Variants in CEP295 observed in about 807,000 individuals in gnomAD.
CEP295 encodes centrosomal protein 295, also known as centrosomal protein of 295 kDa.
Under a neutral mutation model 291.6 loss-of-function variants are expected in CEP295, and 190 were observed. The ratio of observed to expected loss-of-function variants is 0.65; its 90% confidence interval spans 0.58 to 0.73. The LOEUF is 0.73. Among genes scored for constraint, CEP295 ranks in the 30% least tolerant of loss-of-function variants. CEP295 has a pLI of 0.00. For missense variants in CEP295, 2,863 were observed against 2,949.4 expected, an observed-to-expected ratio of 0.97 and a Z score of 0.68; for synonymous variants, 993 against 1,038.8, an observed-to-expected ratio of 0.96 and a Z score of 0.85.
Position 93,729,738 on chromosome 11 carries a change from T to C in CEP295, c.7524T>C (p.Ser2508=). 2 of 1,549,596 alleles carry C rather than the reference T, an allele frequency of 1.3e-6. No individual in the cohort carries two copies. The highest frequency in any genetic ancestry group is 1.7e-6 in the Non-Finnish European group (2 of 1,145,676). ...AAATAAGGAATAAAATTCATGTCTC[T>C]GAAAATTCTCAAATCAAAACAGTTA... The part of the protein sequence containing the change: ...QKEIRNKIHV[S]ENSQIKTVKE... Residue 2508 remains serine, a synonymous_variant, in exon 27 of 30, where the codon TCT becomes TCC. Coordinates refer to ENST00000325212, the MANE Select transcript of CEP295 (RefSeq NM_033395.2).
intron 25 of CEP295, 155 bp from the exon 26 acceptor site, chr11:93,729,279 A>G (rs921775300): frequency 2.2e-5 from 14 of 629,456 alleles, no homozygotes; most frequent in Non-Finnish European, 3.9e-5. Context: ...TACAAAAAAT[A>G]CAAAAATCAG....
At chr11:93,687,053 G>T (rs1951279264) in intron 9 of CEP295, among the ~76,000 whole-genome samples, 1 of 152,148 alleles carries the variant, frequency 6.6e-6, no homozygotes. Context: ...CAGCCCACAT[G>T]GGAAAATGTT....
At chr11:93,693,697 A>T (rs980214388) in intron 12 of CEP295, among the ~76,000 whole-genome samples, 1 of 152,216 alleles carries the variant, frequency 6.6e-6, no homozygotes, top group South Asian at 2.1e-4. Flanking sequence ...TGGAGGTTGC[A>T]GTCAGCCAAG....
At chr11:93,719,564 A>G (rs1054188528) in intron 18 of CEP295, 8 of 151,982 alleles carry the variant, frequency 5.3e-5, no homozygotes, top group Non-Finnish European at 1.2e-4. Context: ...CACCATGCCT[A>G]CCTGCTTGTT....
chr11:93,673,782 A>G (rs979623287), intron 5 of CEP295, among the ~76,000 whole-genome samples: 2 of 150,852 alleles, frequency 1.3e-5, no homozygotes, highest in African/African-American at 4.9e-5. Context: ...TGTGAGCCAC[A>G]ACGCCTGGCC....
intron 9 of CEP295, among the ~76,000 whole-genome samples, chr11:93,686,372 A>T (rs955917063): frequency 6.6e-6 from 1 of 151,944 alleles, no homozygotes; most frequent in Non-Finnish European, 1.5e-5. Context: ...AGTTATTTTC[A>T]TTGGGAGTAT....
chr11:93,698,543 G>C lies in CEP295; in HGVS notation c.3631G>C (p.Val1211Leu), dbSNP rs1200796672. The change falls in exon 15 of 30, where the codon GTG becomes CTG. Residue 1211 changes from valine (V) to leucine (L), a missense_variant. Val to Leu is a conservative substitution (Grantham distance 32). This residue lies in a region of CEP295 where 2,295 missense variants were observed against 2,335.7 expected (regional missense o/e 0.98). Transcript: ENST00000325212. ...QTGTSSSLSQ[V>L]DESERFQECI... ...TGGCACCTCCTCATCCCTTTCCCAG[G>C]TGGATGAATCTGAGAGATTCCAGGA... The C allele has an allele frequency of 2.2e-5, 34 of 1,551,958 alleles. No individual in the cohort carries two copies. The highest frequency in any genetic ancestry group is 2.8e-5 in the Non-Finnish European group (32 of 1,147,030).
chr11:93,678,676 T>G (rs1369335573), intron 6 of CEP295, among the ~76,000 whole-genome samples: 1 of 152,080 alleles, frequency 6.6e-6, no homozygotes, highest in Non-Finnish European at 1.5e-5. Flanking sequence ...GCCTGTAATC[T>G]CAGCGCTTTG....
At chr11:93,723,361 T>C in intron 21 of CEP295, 72 bp downstream of exon 21, 1 of 1,127,570 alleles carries the variant, frequency 8.9e-7, no homozygotes, top group Non-Finnish European at 1.2e-6. Context: ...ATTTTAAATT[T>C]TATGCAGTGA....
intron 18 of CEP295, among the ~76,000 whole-genome samples, chr11:93,720,981 T>A (rs1591146236): frequency 6.6e-6 from 1 of 152,348 alleles, no homozygotes; most frequent in East Asian, 1.9e-4. Flanking sequence ...TATTCTTGCT[T>A]TTCCACTTAA....
chr11:93,680,619 C>G (rs767997393), intron 7 of CEP295, among the ~76,000 whole-genome samples: 20 of 152,258 alleles, frequency 1.3e-4, no homozygotes, highest in South Asian at 6.2e-4. Flanking sequence ...CTATTGCACT[C>G]CACCCTGGTG....
intron 18 of CEP295, among the ~76,000 whole-genome samples, chr11:93,716,853 T>C (rs1379043433): frequency 6.6e-6 from 1 of 152,266 alleles, no homozygotes; most frequent in African/African-American, 2.4e-5. Context: ...CTATGGTGCC[T>C]AGGCAGCTGT....
At position 93,730,062 on chromosome 11, in the gene CEP295, C is replaced by G; in HGVS notation, c.7681C>G (p.Leu2561Val). The G allele has an allele frequency of 6.5e-7, 1 of 1,548,828 alleles. No homozygotes were observed. The highest frequency in any genetic ancestry group is 8.7e-7 in the Non-Finnish European group (1 of 1,146,200). Residue 2561 changes from leucine (L) to valine (V), a missense_variant, in exon 29 of 30, where the codon CTA (leucine) becomes GTA (valine). By Grantham distance (32) the Leu-to-Val change is conservative (BLOSUM62 1). Around this residue, in one of 3 missense-constraint regions of CEP295, gnomAD observed 2,295 missense variants for 2,335.7 expected, o/e 0.98. Transcript: ENST00000325212. Reference protein sequence around the residue: ...HQRGLRLYNQLAEVKQQKEEK... With the variant: ...HQRGLRLYNQVAEVKQQKEEK... ...AATTCTTTACAGGTTATACAATCAACTAGCTGAAGTGAAACAACAAAAGGA... is the reference window on the plus strand; with the variant it reads ...AATTCTTTACAGGTTATACAATCAAGTAGCTGAAGTGAAACAACAAAAGGA...
In CEP295 at chr11:93,696,767, G is replaced by C; in HGVS notation, c.1855G>C (p.Ala619Pro). The part of the protein sequence containing the change: ...MLKGRCPSVS[A>P]PSLITDSVIS... ...AAAAGGAAGGTGCCCATCGGTGTCAGCTCCATCATTGATAACTGATTCTGT... is the reference window on the plus strand; with the variant it reads ...AAAAGGAAGGTGCCCATCGGTGTCACCTCCATCATTGATAACTGATTCTGT... Residue 619 changes from alanine to proline, a missense_variant, in exon 15 of 30, where the codon GCT becomes CCT. Around this residue, in one of 3 missense-constraint regions of CEP295, gnomAD observed 2,295 missense variants for 2,335.7 expected, o/e 0.98. Coordinates refer to ENST00000325212, the MANE Select transcript of CEP295 (RefSeq NM_033395.2). 6.4e-7 allele frequency: 1 copy of C among 1,551,588 alleles called. No homozygotes were observed. The highest frequency in any genetic ancestry group is 8.7e-7 in the Non-Finnish European group (1 of 1,146,880).
intron 27 of CEP295, 21 bp downstream of exon 27, chr11:93,729,802 C>A: frequency 1.3e-6 from 2 of 1,534,754 alleles, no homozygotes; most frequent in Admixed American, 2.1e-5. Context: ...TTTTTAAAAT[C>A]TTCAACCAAC....
chr11:93,689,617 A>G (rs1951417101), intron 10 of CEP295, among the ~76,000 whole-genome samples: 1 of 151,394 alleles, frequency 6.6e-6, no homozygotes. Flanking sequence ...CTCTACCCCA[A>G]CCTCCACACC....
In CEP295 at chr11:93,687,828, CAGCAAAGAG is replaced by C. The variant is rs759966963; in HGVS notation, c.1302_1310del (p.Ser434_Glu436del). ...CAACGGTTGAGTCAGGAACAATTGCCAGCAAAGAGAGAACGTTATCCTCTGGGCAGGAAC... is the reference window on the plus strand; with the variant it reads ...CAACGGTTGAGTCAGGAACAATTGCCAGAACGTTATCCTCTGGGCAGGAAC... On this transcript the variant is annotated inframe_deletion, in exon 10 of 30. Transcript: ENST00000325212. 8.4e-5 allele frequency: 130 copies of C among 1,551,090 alleles called. No individual in the cohort carries two copies. Among genetic ancestry groups the C allele is most frequent in the Non-Finnish European group, 1.0e-4 (118 of 1,146,622 alleles).
At position 93,683,674 on chromosome 11, in the gene CEP295, G is replaced by T; in HGVS notation, c.881G>T (p.Ser294Ile). Residue 294 changes from serine (S) to isoleucine (I), a missense_variant, in exon 8 of 30, where the codon AGT (serine) becomes ATT (isoleucine). Transcript: ENST00000325212. ...CTAGTTGAACTTCCATACAAACGCAGTGAAATGAAAGAAGACTGGCAGAGA... is the reference window on the plus strand; with the variant it reads ...CTAGTTGAACTTCCATACAAACGCATTGAAATGAAAGAAGACTGGCAGAGA... ...PQLVELPYKR[S>I]EMKEDWQREL... 1 of 1,550,426 alleles carries T rather than the reference G, an allele frequency of 6.4e-7. No individual in the cohort carries two copies. The highest frequency in any genetic ancestry group is 8.7e-7 in the Non-Finnish European group (1 of 1,146,690).
chr11:93,690,872 C>G (rs1002774367), intron 10 of CEP295, among the ~76,000 whole-genome samples: 1 of 151,680 alleles, frequency 6.6e-6, no homozygotes, highest in Non-Finnish European at 1.5e-5. Context: ...AGGTTTGTTT[C>G]TTTATCCTCA....
Sources: allele counts gnomAD v4.1 joint callset (sites outside exome capture counted in the v4.1 genomes callset), GRCh38; gene constraint gnomAD v4.1.1; regional missense constraint gnomAD v4.1.1; transcripts MANE v1.5; gene names NCBI Gene and HGNC (gene_info 2026-07-23, HGNC 2026-07-21).